The following VWA8 variants were observed in gnomAD, a reference collection of about 807,000 sequenced individuals.
VWA8 encodes the protein von Willebrand factor A domain containing 8.
In VWA8, 221 loss-of-function variants were observed where a neutral mutation model predicts 241.5. The observed-to-expected ratio is 0.91, with a 90% CI of 0.82 to 1.02. The LOEUF is 1.02. Ranked by LOEUF, VWA8 falls within the 50% of genes least tolerant of loss-of-function variation. VWA8 has a pLI of 0.00. For missense variants in VWA8, 2,322 were observed against 2,328.7 expected (o/e 1.00, Z 0.06); for synonymous variants, 852 against 827.1 (o/e 1.03, Z -0.52).
At chr13:41,856,934 A>G (rs1872778224) in intron 12 of VWA8, among the ~76,000 whole-genome samples, 2 of 151,906 alleles carry the variant, frequency 1.3e-5, no homozygotes, top group African/African-American at 2.4e-5. Flanking sequence ...TATTTGTTGG[A>G]TATCTTTTTT....
intron 20 of VWA8, among the ~76,000 whole-genome samples, chr13:41,772,401 C>T (rs933575944): frequency 2.0e-5 from 3 of 151,910 alleles, no homozygotes; most frequent in African/African-American, 7.3e-5. Context: ...AAATAAATAG[C>T]CATCTCTCTT....
At chr13:41,941,725 G>A (rs1877607545) in intron 2 of VWA8, among the ~76,000 whole-genome samples, 1 of 152,122 alleles carries the variant, frequency 6.6e-6, no homozygotes, top group Admixed American at 6.6e-5. Context: ...CACATTTATT[G>A]AGCACTAAGC....
At chr13:41,817,622 A>G (rs1254520071) in intron 15 of VWA8, among the ~76,000 whole-genome samples, 1 of 152,210 alleles carries the variant, frequency 6.6e-6, no homozygotes, top group East Asian at 1.9e-4. Context: ...GATGTAATAA[A>G]TAGTATTATC....
chr13:41,819,228 A>G lies in VWA8; in HGVS notation c.1859T>C (p.Ile620Thr), dbSNP rs1306673699. Residue 620 changes from isoleucine to threonine, a missense_variant, in exon 15 of 45, where the codon ATT becomes ACT. Transcript: ENST00000379310. ...PLVKSEEIQV[I>T]KEKVPNVPQE... is the part of the protein sequence containing the mutation. ...TGGCTTTCTTCTTACCTTTTCCTTAATCACTTGGATTTCTTCACTTTTCAC... is the reference window on the plus strand; with the variant it reads ...TGGCTTTCTTCTTACCTTTTCCTTAGTCACTTGGATTTCTTCACTTTTCAC... 2 of 1,600,326 alleles carry G rather than the reference A, an allele frequency of 1.2e-6. No homozygotes were observed. The highest frequency in any genetic ancestry group is 2.3e-5 in the South Asian group (2 of 87,100).
At chr13:41,787,283 A>G (rs1869238415) in intron 18 of VWA8, among the ~76,000 whole-genome samples, 154 bp downstream of exon 18, 1 of 149,130 alleles carries the variant, frequency 6.7e-6, no homozygotes, top group Non-Finnish European at 1.5e-5. Flanking sequence ...ACTTAAAAAA[A>G]TCAGATTCAT....
intron 5 of VWA8, 31 bp from the exon 6 acceptor site, chr13:41,887,392 C>T: frequency 1.3e-6 from 2 of 1,589,456 alleles, no homozygotes; most frequent in Non-Finnish European, 1.7e-6. Flanking sequence ...GAAGCTATAG[C>T]ATAAATGATA....
intron 29 of VWA8, among the ~76,000 whole-genome samples, chr13:41,695,600 A>G (rs2045210925): frequency 6.6e-6 from 1 of 152,168 alleles, no homozygotes; most frequent in African/African-American, 2.4e-5. Flanking sequence ...GGTATATTGT[A>G]AAATAAGATA....
chr13:41,918,888 C>T (rs985837015), intron 2 of VWA8, among the ~76,000 whole-genome samples: 9 of 151,858 alleles, frequency 5.9e-5, no homozygotes, highest in Admixed American at 2.0e-4. Flanking sequence ...GTGTGTTCTC[C>T]GACCAAAATT....
chr13:41,665,506 T>C (rs751403856), intron 37 of VWA8, among the ~76,000 whole-genome samples: 4 of 151,704 alleles, frequency 2.6e-5, no homozygotes, highest in Non-Finnish European at 4.4e-5. Flanking sequence ...TCTATAGCCA[T>C]TGTGATTGTA....
chr13:41,761,333 A>G (rs1041057201), intron 20 of VWA8, 129 bp from the exon 21 acceptor site: 1 of 831,960 alleles, frequency 1.2e-6, no homozygotes, highest in Non-Finnish European at 1.9e-6. Context: ...ATTGTTCATG[A>G]AAACCAAACT....
At chr13:41,717,071 A>G (rs2045352273) in intron 26 of VWA8, among the ~76,000 whole-genome samples, 1 of 151,958 alleles carries the variant, frequency 6.6e-6, no homozygotes, top group Non-Finnish European at 1.5e-5. Flanking sequence ...AGATTATATT[A>G]AAATTCAAAG....
At chr13:41,857,673 T>C (rs181731904) in intron 12 of VWA8, among the ~76,000 whole-genome samples, 95 of 152,294 alleles carry the variant, frequency 6.2e-4, no homozygotes, top group Middle Eastern at 3.4e-3. Context: ...TCCCACTATA[T>C]AGGCAAGGAA....
intron 4 of VWA8, among the ~76,000 whole-genome samples, chr13:41,901,865 CA>C (rs1167305999): frequency 0.029 from 712 of 24,622 alleles, 19 homozygotes; most frequent in Middle Eastern, 0.056. Context: ...GACTCCATCT[CA>C]AAAAAAAAAA....
chr13:41,852,250 G>C (rs1488207710), intron 12 of VWA8, among the ~76,000 whole-genome samples: 1 of 152,116 alleles, frequency 6.6e-6, no homozygotes, highest in African/African-American at 2.4e-5. Flanking sequence ...TAAAATGCCT[G>C]AGAAATGTCT....
intron 27 of VWA8, 101 bp from the exon 28 acceptor site, chr13:41,701,631 T>A: frequency 8.8e-7 from 1 of 1,137,952 alleles, no homozygotes; most frequent in Non-Finnish European, 1.2e-6. Context: ...TTCAAGTATT[T>A]AATATCCTGC....
chr13:41,604,972 CA>C (rs1354611978), intron 40 of VWA8, among the ~76,000 whole-genome samples, 195 bp downstream of exon 40: 1 of 152,032 alleles, frequency 6.6e-6, no homozygotes, highest in Non-Finnish European at 1.5e-5. Flanking sequence ...GAGGAGGAGA[CA>C]GGGGACATAC....
chr13:41,595,622 T>C (rs1232438266), intron 40 of VWA8, among the ~76,000 whole-genome samples: 4 of 152,186 alleles, frequency 2.6e-5, no homozygotes, highest in Non-Finnish European at 5.9e-5. Context: ...CAATATATAC[T>C]CTTTTGTTTC....
rs1243107939 is a variant in VWA8 at position 41,761,223 on chromosome 13, C to T, written c.2350-19G>A. 13 of 1,606,120 alleles carry T rather than the reference C, an allele frequency of 8.1e-6. No homozygotes were observed. In the Admixed American group the frequency reaches 2.2e-4, roughly 27 times the overall value. On this transcript the variant is annotated intron_variant, in intron 20 of 44. Transcript: ENST00000379310. ...CTACACCCTGTAATTACACAGAAAA[C>T]ATTAAACAAAAAGAGGCTATTTTCT... is the stretch of plus-strand genomic sequence containing the variant.
intron 8 of VWA8, among the ~76,000 whole-genome samples, chr13:41,884,018 G>A (rs1874390386): frequency 6.6e-6 from 1 of 152,180 alleles, no homozygotes; most frequent in Non-Finnish European, 1.5e-5. Flanking sequence ...TTAAAAGTCT[G>A]TTGACAAGAA....
Sources: allele counts gnomAD v4.1 joint callset (sites outside exome capture counted in the v4.1 genomes callset), GRCh38; gene constraint gnomAD v4.1.1; transcripts MANE v1.5; gene names NCBI Gene and HGNC (gene_info 2026-07-23, HGNC 2026-07-21).